RNF213: variants seen among roughly 807,000 people sequenced by gnomAD.
RNF213 encodes the protein E3 ubiquitin-protein ligase RNF213.
RNF213 carries 341 observed loss-of-function variants against 514.4 expected under a neutral mutation model. That is an observed-to-expected ratio of 0.66 (90% CI 0.61 to 0.73). The LOEUF is 0.73. Ranked by LOEUF, RNF213 falls within the 30% of genes least tolerant of loss-of-function variation. The probability of loss-of-function intolerance (pLI) is 0.00; values close to 1 mark genes in which losing one functional copy is unlikely to be tolerated. For synonymous variants in RNF213, 2,655 were observed against 2,658.2 expected, an observed-to-expected ratio of 1.00 and a Z score of 0.04; for missense variants, 5,767 against 6,615.6, an observed-to-expected ratio of 0.87 and a Z score of 4.45.
rs746775894 is a variant in RNF213, at chr17:80,339,849, G to A, written c.5482G>A (p.Gly1828Ser). The change falls in exon 26 of 68, where the codon GGC becomes AGC. Residue 1828 changes from glycine (G) to serine (S), a missense_variant. Gly to Ser is a moderately conservative substitution (Grantham distance 56). This residue lies in a region of RNF213 where 1,377 missense variants were observed against 1,635.2 expected (regional missense o/e 0.84). Transcript: ENST00000582970. ...ERCLPRGLQV[G>S]QPNLVVCGHS... ...TTGTCTCCCGAGAGGTCTGCAGGTC[G>A]GCCAGCCCAACCTCGTCGTCTGTGG... 30 of 1,536,022 alleles carry A rather than the reference G, an allele frequency of 2.0e-5. No individual in the cohort carries two copies. The African/African-American group carries it at 3.4e-4, about 18-fold the overall frequency.
intron 11 of RNF213, among the ~76,000 whole-genome samples, chr17:80,301,420 G>C (rs978371360): frequency 6.6e-6 from 1 of 152,122 alleles, no homozygotes; most frequent in Admixed American, 6.5e-5. Context: ...TCATCTACAC[G>C]TTGGATAGGG....
chr17:80,280,835 A>G (rs929849985), intron 3 of RNF213, among the ~76,000 whole-genome samples: 6 of 152,092 alleles, frequency 3.9e-5, no homozygotes. Context: ...GGAGAAATGG[A>G]TGGGAGATTT....
rs981574153 is a variant in RNF213 at position 80,377,289 on chromosome 17, CAA to C, written c.13510+328_13510+329del. On this transcript the variant is annotated intron_variant, in intron 53 of 67. Transcript: ENST00000582970. The surrounding 1 kb of genome is among the most constrained non-coding windows in gnomAD (Gnocchi z 4.1). Reference sequence around the variant, plus strand: ...ACGCATTCAAAGGCCCACCACAAAACAAAGTTTTTGACACAAAGCTCTTCTGA... The same window carrying C: ...ACGCATTCAAAGGCCCACCACAAAACAGTTTTTGACACAAAGCTCTTCTGA... The C allele has an allele frequency of 8.1e-5, 34 of 419,404 alleles. No homozygotes were observed. Among genetic ancestry groups the C allele is most frequent in the Non-Finnish European group, 1.4e-4 (32 of 228,370 alleles). The allele number at this position is 419,404 out of a possible 1,614,324, so 26.0% of individuals were successfully genotyped here.
intron 10 of RNF213, among the ~76,000 whole-genome samples, chr17:80,296,239 C>T (rs552154220): frequency 6.6e-6 from 1 of 152,196 alleles, no homozygotes; most frequent in East Asian, 1.9e-4. Flanking sequence ...AGGCTGGTTT[C>T]GAACTCCTGA....
At chr17:80,287,579 C>T (rs947506633) in intron 3 of RNF213, among the ~76,000 whole-genome samples, 2 of 152,210 alleles carry the variant, frequency 1.3e-5, no homozygotes, top group African/African-American at 4.8e-5. Flanking sequence ...TCAGCCCGGC[C>T]GTGACCGTGC....
At chr17:80,359,459 G>C (rs993295326) in intron 37 of RNF213, among the ~76,000 whole-genome samples, 2 of 131,276 alleles carry the variant, frequency 1.5e-5, no homozygotes, top group Non-Finnish European at 3.1e-5. Context: ...AGGAGTTTGA[G>C]GTGAGATAGG....
intron 53 of RNF213, 37 bp downstream of exon 53, chr17:80,377,000 G>A: frequency 2.7e-6 from 4 of 1,493,556 alleles, no homozygotes; most frequent in Non-Finnish European, 3.7e-6. Flanking sequence ...ACACTCCTTT[G>A]AGCTTCAAAG....
At chr17:80,290,494 TGTGC>T in intron 6 of RNF213, 72 bp from the exon 7 acceptor site, 1 of 1,546,590 alleles carries the variant, frequency 6.5e-7, no homozygotes, top group Non-Finnish European at 8.9e-7. Context: ...CACGTGTGTG[TGTGC>T]GCGTGTGTGC....
At position 80,357,554 on chromosome 17, in the gene RNF213, C is replaced by CT. The variant is rs779336874; in HGVS notation, c.10863-733dup. Among the ~76,000 whole-genome samples the CT allele has an allele frequency of 8.5e-5, 13 of 152,306 alleles. No homozygotes were observed. The East Asian group carries it at 9.6e-4, about 11-fold the overall frequency. ...TTGGTCTCTTCATCTGTATTATAGTCTATCTACAACAGATTTTTAAAATAT... is the reference window on the plus strand; with the variant it reads ...TTGGTCTCTTCATCTGTATTATAGTCTTATCTACAACAGATTTTTAAAATAT... On this transcript the variant is annotated intron_variant, in intron 36 of 67. Coordinates refer to ENST00000582970, the MANE Select transcript of RNF213 (RefSeq NM_001256071.3).
rs544169176 is a variant in RNF213 at position 80,396,819 on chromosome 17, G to T, written c.*3321G>T. The stretch of plus-strand genomic sequence containing the variant: ...AGGATATGCTGGGGATAGCCCTTTT[G>T]AGGAGGTGGGGGTGTATGCGAAAGC... On this transcript the variant is annotated 3_prime_UTR_variant, in exon 68 of 68. Coordinates refer to ENST00000582970, the MANE Select transcript of RNF213 (RefSeq NM_001256071.3). 8.3e-5 allele frequency: 12 copies of T among 145,154 alleles called. No individual in the cohort carries two copies. The highest frequency in any genetic ancestry group is 1.8e-4 in the Non-Finnish European group (12 of 67,534). 9.0% of individuals were successfully genotyped at this position (145,154 alleles called of 1,614,324 possible).
At chr17:80,292,264 T>C (rs2044758852) in intron 8 of RNF213, among the ~76,000 whole-genome samples, 1 of 152,122 alleles carries the variant, frequency 6.6e-6, no homozygotes, top group Non-Finnish European at 1.5e-5. Flanking sequence ...TTTGTATTTT[T>C]AGAGAGACAG....
At chr17:80,318,152 C>T (rs938433125) in intron 16 of RNF213, among the ~76,000 whole-genome samples, 4 of 152,118 alleles carry the variant, frequency 2.6e-5, no homozygotes, top group African/African-American at 2.4e-5. Context: ...CTCTCACTAC[C>T]AAGTCTGGGG....
In RNF213 at chr17:80,339,183, A is replaced by G; in HGVS notation, c.4834-18A>G. On this transcript the variant is annotated intron_variant, in intron 25 of 67. Transcript: ENST00000582970. ...TCGCATGGCTCTGTGAGCCAACCTC[A>G]TGGTTCTGCCTCTCCAGGTCTTCTG... 1 of 1,459,742 alleles carries G rather than the reference A, an allele frequency of 6.9e-7. No individual in the cohort carries two copies. The highest frequency in any genetic ancestry group is 1.4e-5 in the South Asian group (1 of 70,972). 90.4% of individuals were successfully genotyped at this position (1,459,742 alleles called of 1,614,324 possible).
At chr17:80,286,908 C>G (rs2044491960) in intron 3 of RNF213, among the ~76,000 whole-genome samples, 1 of 152,318 alleles carries the variant, frequency 6.6e-6, no homozygotes, top group Non-Finnish European at 1.5e-5. Context: ...GGACCGTACA[C>G]CTGAACCTGG....
intron 5 of RNF213, among the ~76,000 whole-genome samples, chr17:80,289,167 C>A (rs1454382032): frequency 3.9e-5 from 6 of 152,142 alleles, no homozygotes; most frequent in African/African-American, 1.2e-4. Flanking sequence ...GAGGAGAGGC[C>A]ACCAATGAGG....
chr17:80,376,955 A>G lies in RNF213; in HGVS notation c.13502A>G (p.His4501Arg). 5 of 1,613,358 alleles carry G rather than the reference A, an allele frequency of 3.1e-6. No homozygotes were observed. The highest frequency in any genetic ancestry group is 4.2e-6 in the Non-Finnish European group (5 of 1,179,412). The change falls in exon 53 of 68, where the codon CAC (histidine) becomes CGC (arginine). Residue 4501 changes from histidine (H) to arginine (R), a missense_variant. Coordinates refer to ENST00000582970, the MANE Select transcript of RNF213 (RefSeq NM_001256071.3). ...ARRWKGLERV[H>R]WYTCPNGHPC... ...AGGTGGAAGGGTCTGGAGCGAGTCC[A>G]CTGGTACAGTAAGTGTTGGGGTCTA...
intron 2 of RNF213, among the ~76,000 whole-genome samples, chr17:80,272,664 G>A (rs1419128901): frequency 4.6e-5 from 7 of 152,174 alleles, no homozygotes; most frequent in African/African-American, 7.2e-5. Context: ...TGGTGGGGAT[G>A]GACAAAGTGC....
Position 80,332,226 on chromosome 17 carries a change from G to T in RNF213, c.3738G>T (p.Glu1246Asp). The change falls in exon 21 of 68, where the codon GAG becomes GAT. Residue 1246 changes from glutamate to aspartate, a missense_variant. Transcript: ENST00000582970. Reference sequence around the variant, plus strand: ...GGGAAGCCGCAGAGCCGCTGAGTGAGCCTAAGGAGGACCAGGAAGCCGCAG... The same window carrying T: ...GGGAAGCCGCAGAGCCGCTGAGTGATCCTAAGGAGGACCAGGAAGCCGCAG... Reference protein sequence around the residue: ...FWREAAEPLSEPKEDQEAAEL... With the variant: ...FWREAAEPLSDPKEDQEAAEL... 1.3e-6 allele frequency: 2 copies of T among 1,537,218 alleles called. No individual in the cohort carries two copies. The highest frequency in any genetic ancestry group is 1.7e-6 in the Non-Finnish European group (2 of 1,146,922).
chr17:80,375,766 A>G lies in RNF213; in HGVS notation c.13081A>G (p.Lys4361Glu). Residue 4361 changes from lysine (K) to glutamate (E), a missense_variant, in exon 51 of 68, where the codon AAG becomes GAG. Physicochemically the swap from Lys to Glu is moderately conservative, Grantham distance 56. Coordinates refer to ENST00000582970, the MANE Select transcript of RNF213 (RefSeq NM_001256071.3). ...GATACCCTTGATTTTGCAGGCCTGCAAGACCCCCCAAAGCCAGCAGTCAGC... is the reference window on the plus strand; with the variant it reads ...GATACCCTTGATTTTGCAGGCCTGCGAGACCCCCCAAAGCCAGCAGTCAGC... ...LGIKTALKAC[K>E]TPQSQQSAYF... is the part of the protein sequence containing the mutation. The G allele has an allele frequency of 6.2e-7, 1 of 1,613,200 alleles. No homozygotes were observed. Among genetic ancestry groups the G allele is most frequent in the Non-Finnish European group, 8.5e-7 (1 of 1,179,180 alleles).
Sources: allele counts gnomAD v4.1 joint callset (sites outside exome capture counted in the v4.1 genomes callset), GRCh38; gene constraint gnomAD v4.1.1; regional missense constraint gnomAD v4.1.1; non-coding constraint Gnocchi (gnomAD v3.1); transcripts MANE v1.5; gene names NCBI Gene and HGNC (gene_info 2026-07-23, HGNC 2026-07-21).